TPP1: variants seen among roughly 807,000 people sequenced by gnomAD.
TPP1 encodes the protein tripeptidyl peptidase 1, also known as tripeptidyl-peptidase 1.
In TPP1, 43 loss-of-function variants were observed where a neutral mutation model predicts 67.6. The observed-to-expected ratio is 0.64, with a 90% CI of 0.50 to 0.82. TPP1 has a LOEUF of 0.82. TPP1 is among the 40% of genes least tolerant of loss of function. The probability of loss-of-function intolerance (pLI) is 0.00; values close to 1 mark genes in which losing one functional copy is unlikely to be tolerated. For synonymous variants in TPP1, 272 were observed against 281.5 expected, an observed-to-expected ratio of 0.97 and a Z score of 0.34; for missense variants, 671 against 710.9, an observed-to-expected ratio of 0.94 and a Z score of 0.64.
At chr11:6,615,144 A>G in intron 11 of TPP1, 27 bp downstream of exon 11, 4 of 1,614,120 alleles carry the variant, frequency 2.5e-6, no homozygotes, top group Non-Finnish European at 3.4e-6. Flanking sequence ...TTCCTGAGTG[A>G]GAGTTTGGAG....
rs989986129 is a variant in TPP1 at position 6,615,718 on chromosome 11, G to T, written c.1146-156C>A. 3.5e-5 allele frequency: 35 copies of T among 1,011,118 alleles called. No homozygotes were observed. In the South Asian group the frequency reaches 4.8e-4, roughly 14 times the overall value. 62.6% of individuals were successfully genotyped at this position (1,011,118 alleles called of 1,614,324 possible). On this transcript the variant is annotated intron_variant, in intron 9 of 12. Transcript: ENST00000299427. The stretch of plus-strand genomic sequence containing the variant: ...GACTAAGAGATTTTGAGCCTTCAAG[G>T]CATGGCCCGAGGTGACTGTGCACAC...
At chr11:6,618,325 T>C (rs1855617068) in intron 3 of TPP1, 1 of 345,242 alleles carries the variant, frequency 2.9e-6, no homozygotes, top group East Asian at 7.3e-5. Context: ...AGAGACTGTT[T>C]TGAAGCAGAG....
chr11:6,617,389 G>A lies in TPP1; in HGVS notation c.420C>T (p.His140=), dbSNP rs1057521538. 10 of 1,614,162 alleles carry A rather than the reference G, an allele frequency of 6.2e-6. No individual in the cohort carries two copies. The highest frequency in any genetic ancestry group is 8.5e-6 in the Non-Finnish European group (10 of 1,180,020). ...ELLLPGAEFH[H]YVGGPTETHV... is the part of the protein sequence containing the mutation. ...GGGTTTCCGTAGGTCCTCCCACATA[G>A]TGATGAAACTCAGCCCCAGGGAGCA... Residue 140 remains histidine (H), a synonymous_variant, in exon 5 of 13, where the codon CAC becomes CAT. Transcript: ENST00000299427.
intron 9 of TPP1, 79 bp downstream of exon 9, chr11:6,615,926 G>T: frequency 6.6e-7 from 1 of 1,516,614 alleles, no homozygotes; most frequent in Non-Finnish European, 9.1e-7. Context: ...ACATGGTGGG[G>T]TCAAGACAAA....
In TPP1 at chr11:6,615,442, C is replaced by G. The variant is rs121908200; in HGVS notation, c.1266G>C (p.Gln422His). 23 of 1,614,092 alleles carry G rather than the reference C, an allele frequency of 1.4e-5. No homozygotes were observed. Among genetic ancestry groups the G allele is most frequent in the Admixed American group, 6.7e-5 (4 of 60,010 alleles). Reference protein sequence around the residue: ...FSNVFPRPSYQEEAVTKFLSS... With the variant: ...FSNVFPRPSYHEEAVTKFLSS... ...CATCCATCCACACAAACACACGTAC[C>G]TGGTATGAAGGCCGTGGGAACACAT... Residue 422 changes from glutamine (Q) to histidine (H), a missense_variant and splice_region_variant, in exon 10 of 13, where the codon CAG (glutamine) becomes CAC (histidine). By Grantham distance (24) the Gln-to-His change is conservative (BLOSUM62 0). Coordinates refer to ENST00000299427, the MANE Select transcript of TPP1 (RefSeq NM_000391.4).
In TPP1 at chr11:6,613,259, G is replaced by A. The variant is rs551033286; in HGVS notation, c.*1287C>T. The A allele has an allele frequency of 6.6e-6, 1 of 152,340 alleles. No individual in the cohort carries two copies. The highest frequency in any genetic ancestry group is 2.1e-4 in the South Asian group (1 of 4,828). 9.4% of individuals were successfully genotyped at this position (152,340 alleles called of 1,614,324 possible). On this transcript the variant is annotated 3_prime_UTR_variant, in exon 13 of 13. Transcript: ENST00000299427. ...CGAAAGAAGGTGACTTCTGAACTGA[G>A]TCTTGCAAGAATTCTGGAAATTAAC... is the stretch of plus-strand genomic sequence containing the variant.
rs903269160 is a variant in TPP1, at chr11:6,614,395, G to A, written c.*151C>T. On this transcript the variant is annotated 3_prime_UTR_variant, in exon 13 of 13. Transcript: ENST00000299427. Reference sequence around the variant, plus strand: ...GGAGCATGGTAGGGTTGGGAGTCAAGTCAAGCTCACAGCATTTCAGGGTTA... The same window carrying A: ...GGAGCATGGTAGGGTTGGGAGTCAAATCAAGCTCACAGCATTTCAGGGTTA... The A allele has an allele frequency of 8.3e-6, 9 of 1,084,482 alleles. No homozygotes were observed. In the African/African-American group the frequency reaches 1.1e-4, roughly 13 times the overall value. The allele number at this position is 1,084,482 out of a possible 1,614,324, so 67.2% of individuals were successfully genotyped here.
chr11:6,614,936 A>C lies in TPP1; in HGVS notation c.1481T>G (p.Leu494Arg). Residue 494 changes from leucine to arginine, a missense_variant, in exon 12 of 13, where the codon CTT becomes CGT. Physicochemically the swap from Leu to Arg is moderately radical, Grantham distance 102 (BLOSUM62 -2). Transcript: ENST00000299427. ...ILSLINEHRI[L>R]SGRPPLGFLN... ...AAAGCCAAGAGGGGGGCGGCCACTA[A>C]GGATCCTGTGCTCATTGATCAAGGA... 1 of 1,614,194 alleles carries C rather than the reference A, an allele frequency of 6.2e-7. No individual in the cohort carries two copies. Among genetic ancestry groups the C allele is most frequent in the Non-Finnish European group, 8.5e-7 (1 of 1,180,042 alleles).
At position 6,614,947 on chromosome 11, in the gene TPP1, C is replaced by T. The variant is rs367681647; in HGVS notation, c.1470G>A (p.Glu490=). ...VFGGILSLIN[E]HRILSGRPPL... ...GGGGGCGGCCACTAAGGATCCTGTG[C>T]TCATTGATCAAGGATAGGATCCCCC... is the stretch of plus-strand genomic sequence containing the variant. Residue 490 remains glutamate (E), a synonymous_variant, in exon 12 of 13, where the codon GAG becomes GAA. Coordinates refer to ENST00000299427, the MANE Select transcript of TPP1 (RefSeq NM_000391.4). The T allele has an allele frequency of 1.9e-6, 3 of 1,614,104 alleles. No individual in the cohort carries two copies. The highest frequency in any genetic ancestry group is 1.7e-6 in the Non-Finnish European group (2 of 1,180,034).
intron 8 of TPP1, 40 bp downstream of exon 8, chr11:6,616,275 A>AAGCGTT (rs753262410): frequency 9.2e-5 from 148 of 1,612,396 alleles, no homozygotes; most frequent in Non-Finnish European, 1.2e-4. Flanking sequence ...CCCAGGCTGC[A>AAGCGTT]GAGGTGTAAG....
At position 6,614,846 on chromosome 11, in the gene TPP1, C is replaced by T. The variant is rs1303964803; in HGVS notation, c.1551+20G>A. The stretch of plus-strand genomic sequence containing the variant: ...CCATAGTTGTTTGAAAACGTCCACA[C>T]CCTTCCCTTCCATACTTACATCAAA... On this transcript the variant is annotated intron_variant, in intron 12 of 12. Transcript: ENST00000299427. The T allele has an allele frequency of 1.2e-6, 2 of 1,614,108 alleles. No homozygotes were observed. Among genetic ancestry groups the T allele is most frequent in the Non-Finnish European group, 1.7e-6 (2 of 1,180,018 alleles).
At chr11:6,617,495 C>T (rs1342884988) in intron 4 of TPP1, 67 bp from the exon 5 acceptor site, 11 of 1,613,470 alleles carry the variant, frequency 6.8e-6, no homozygotes, top group Non-Finnish European at 9.3e-6. Context: ...CTGAGCATCC[C>T]TGGGCAGTCA....
intron 9 of TPP1, 148 bp from the exon 10 acceptor site, chr11:6,615,710 C>A (rs1855571202): frequency 1.3e-5 from 14 of 1,088,218 alleles, no homozygotes; most frequent in African/African-American, 3.1e-5. Flanking sequence ...AGATTTTGAG[C>A]CTTCAAGGCA....
At chr11:6,616,921 T>C (rs1270771321) in intron 6 of TPP1, 54 bp downstream of exon 6, 15 of 1,613,852 alleles carry the variant, frequency 9.3e-6, no homozygotes, top group Non-Finnish European at 1.3e-5. Context: ...TGGTAAGGAA[T>C]TGAGGACACT....
rs1014753301 is a variant in TPP1 at position 6,613,419 on chromosome 11, G to A, written c.*1127C>T. 1.3e-5 allele frequency: 2 copies of A among 152,214 alleles called. No individual in the cohort carries two copies. The highest frequency in any genetic ancestry group is 6.5e-5 in the Admixed American group (1 of 15,286). 9.4% of individuals were successfully genotyped at this position (152,214 alleles called of 1,614,324 possible). ...ATAGCAAGGAAGGTTTGTGAGCTATGATTGGGGGCTGGAGGGGAAAGCCTG... is the reference window on the plus strand; with the variant it reads ...ATAGCAAGGAAGGTTTGTGAGCTATAATTGGGGGCTGGAGGGGAAAGCCTG... On this transcript the variant is annotated 3_prime_UTR_variant, in exon 13 of 13. Coordinates refer to ENST00000299427, the MANE Select transcript of TPP1 (RefSeq NM_000391.4).
chr11:6,618,470 A>T, intron 3 of TPP1: 1 of 575,098 alleles, frequency 1.7e-6, no homozygotes, highest in Non-Finnish European at 3.1e-6. Context: ...ATTAATCCAA[A>T]GGCTCTTTGG....
intron 12 of TPP1, 36 bp from the exon 13 acceptor site, chr11:6,614,722 A>G: frequency 6.2e-7 from 1 of 1,614,104 alleles, no homozygotes; most frequent in Non-Finnish European, 8.5e-7. Context: ...TGGGCCTACT[A>G]GTACCAGTAC....
chr11:6,615,860 A>G, intron 9 of TPP1, 145 bp downstream of exon 9: 1 of 939,606 alleles, frequency 1.1e-6, no homozygotes. Flanking sequence ...TGCAGGAAGA[A>G]GAGACAGGAG....
At chr11:6,615,373 G>A (rs779412278) in intron 10 of TPP1, 44 bp from the exon 11 acceptor site, 62 of 1,614,140 alleles carry the variant, frequency 3.8e-5, no homozygotes, top group Non-Finnish European at 5.2e-5. Context: ...GGCCTGCCCA[G>A]CAGTCAGCTG....
Sources: allele counts gnomAD v4.1 joint callset, GRCh38; gene constraint gnomAD v4.1.1; transcripts MANE v1.5; gene names NCBI Gene and HGNC (gene_info 2026-07-23, HGNC 2026-07-21).